The following SLC2A13 variants were observed in gnomAD, a reference collection of about 807,000 sequenced individuals.
The protein encoded by SLC2A13 is proton myo-inositol cotransporter.
In SLC2A13, 32 loss-of-function variants were observed where a neutral mutation model predicts 64.4. The ratio of observed to expected loss-of-function variants is 0.50; its 90% CI spans 0.37 to 0.67. The LOEUF is 0.67. Among genes scored for constraint, SLC2A13 ranks in the 30% least tolerant of loss-of-function variants. The pLI, the probability that SLC2A13 is intolerant of heterozygous loss-of-function variation, is 0.00. For missense variants in SLC2A13, 743 were observed against 829.2 expected (o/e 0.90, Z 1.28); for synonymous variants, 338 against 327.1 (o/e 1.03, Z -0.36).
Position 39,971,898 on chromosome 12 carries a change from C to T in SLC2A13, c.926-20533G>A, listed in dbSNP as rs552578304. Among the ~76,000 whole-genome samples, 750 of 148,868 alleles carry T rather than the reference C, an allele frequency of 5.0e-3. 3 individuals are homozygous for T. The highest frequency in any genetic ancestry group is 7.8e-3 in the Non-Finnish European group (524 of 67,346). On this transcript the variant is annotated intron_variant, in intron 3 of 9. Transcript: ENST00000280871. ...GCTGAGGCAAAAGAATCGCTTGAGC[C>T]CAGGAGGCGGAGGTTGCAGTGAGCT...
chr12:39,835,990 T>C (rs1463787231), intron 6 of SLC2A13, among the ~76,000 whole-genome samples: 1 of 152,118 alleles, frequency 6.6e-6, no homozygotes, highest in Non-Finnish European at 1.5e-5. Context: ...CAAAATGGAA[T>C]TGGTTAGTAA....
chr12:39,990,148 C>T (rs181503742), intron 3 of SLC2A13, among the ~76,000 whole-genome samples: 24 of 152,220 alleles, frequency 1.6e-4, no homozygotes, highest in South Asian at 1.0e-3. Context: ...GGAGTCATAA[C>T]GATCAAATAT....
chr12:39,796,856 C>A (rs796145041), intron 7 of SLC2A13, among the ~76,000 whole-genome samples: 1 of 152,098 alleles, frequency 6.6e-6, no homozygotes, highest in South Asian at 2.1e-4. Flanking sequence ...GACATTTATG[C>A]ACCTTTGACT....
intron 3 of SLC2A13, among the ~76,000 whole-genome samples, chr12:39,957,916 C>T (rs561044264): frequency 3.0e-4 from 45 of 152,038 alleles, no homozygotes; most frequent in Non-Finnish European, 7.4e-5. Context: ...GGTCATCCAC[C>T]AAAACAAAAC....
intron 4 of SLC2A13, among the ~76,000 whole-genome samples, chr12:39,942,700 A>G (rs530440913): frequency 3.3e-5 from 5 of 152,322 alleles, no homozygotes; most frequent in Admixed American, 3.3e-4. Context: ...TCGGGTGAGA[A>G]CATGCTCCTT....
chr12:39,983,863 T>C (rs1946969569), intron 3 of SLC2A13, among the ~76,000 whole-genome samples: 1 of 142,688 alleles, frequency 7.0e-6, no homozygotes. Context: ...CATGCTGCTA[T>C]AAAGACACAT....
In SLC2A13 at chr12:39,812,517, G is replaced by A. The variant is rs1488044113; in HGVS notation, c.1445+17586C>T. Among the ~76,000 whole-genome samples, 4 of 150,982 alleles carry A rather than the reference G, an allele frequency of 2.6e-5. No homozygotes were observed. The East Asian group carries it at 7.8e-4, about 29-fold the overall frequency. On this transcript the variant is annotated intron_variant, in intron 7 of 9. Transcript: ENST00000280871. ...AGATAGATGCTTGCTCTGTTGCTCA[G>A]GCTGGAGTGCAGTGGTGCAATCTCA... is the stretch of plus-strand genomic sequence containing the variant.
At chr12:39,807,649 G>A (rs190314213) in intron 7 of SLC2A13, among the ~76,000 whole-genome samples, 38 of 152,230 alleles carry the variant, frequency 2.5e-4, no homozygotes, top group Admixed American at 2.4e-3. Flanking sequence ...GATTAAAATG[G>A]ATACATGATT....
intron 7 of SLC2A13, among the ~76,000 whole-genome samples, chr12:39,824,136 G>A (rs1310276446): frequency 6.6e-6 from 1 of 152,100 alleles, no homozygotes; most frequent in Non-Finnish European, 1.5e-5. Flanking sequence ...TAATCTAGAA[G>A]CAAATATACA....
chr12:39,785,126 C>T (rs1941139662), intron 7 of SLC2A13, among the ~76,000 whole-genome samples: 1 of 152,156 alleles, frequency 6.6e-6, no homozygotes, highest in South Asian at 2.1e-4. Context: ...ATCCCCAAGA[C>T]CATGGGGAAA....
At chr12:39,846,391 T>C (rs1566858342) in intron 6 of SLC2A13, among the ~76,000 whole-genome samples, 1 of 152,156 alleles carries the variant, frequency 6.6e-6, no homozygotes, top group Non-Finnish European at 1.5e-5. Flanking sequence ...AGAAAGATCT[T>C]TCTCAGTTAA....
intron 3 of SLC2A13, among the ~76,000 whole-genome samples, chr12:39,972,021 T>A (rs1946663446): frequency 2.4e-5 from 2 of 82,068 alleles, no homozygotes; most frequent in African/African-American, 4.4e-5. Flanking sequence ...TATATTTTTT[T>A]TTATATAAAT....
intron 3 of SLC2A13, among the ~76,000 whole-genome samples, chr12:40,024,757 T>C (rs1181843859): frequency 1.3e-5 from 2 of 152,212 alleles, no homozygotes; most frequent in Non-Finnish European, 2.9e-5. Flanking sequence ...AATACTGCTG[T>C]ACAGCATTTA....
intron 7 of SLC2A13, among the ~76,000 whole-genome samples, chr12:39,767,207 G>A (rs762006902): frequency 1.3e-5 from 2 of 151,984 alleles, no homozygotes; most frequent in Non-Finnish European, 2.9e-5. Flanking sequence ...TGCTGTGTTA[G>A]CAGGTATGAA....
At chr12:40,007,742 A>G (rs1329596894) in intron 3 of SLC2A13, among the ~76,000 whole-genome samples, 1 of 152,176 alleles carries the variant, frequency 6.6e-6, no homozygotes, top group African/African-American at 2.4e-5. Flanking sequence ...AATAGTTCAC[A>G]TTTTAGTTAT....
At chr12:40,044,985 A>G (rs2136234032) in intron 2 of SLC2A13, among the ~76,000 whole-genome samples, 1 of 152,274 alleles carries the variant, frequency 6.6e-6, no homozygotes, top group East Asian at 1.9e-4. Context: ...TCTCAGGCAA[A>G]TATTTAACTT....
At chr12:39,989,329 C>T (rs562783701) in intron 3 of SLC2A13, among the ~76,000 whole-genome samples, 1 of 152,300 alleles carries the variant, frequency 6.6e-6, no homozygotes, top group South Asian at 2.1e-4. Flanking sequence ...GCCTCAATAT[C>T]CTCAACCATC....
chr12:39,851,347 A>T (rs1199596893), intron 6 of SLC2A13, among the ~76,000 whole-genome samples: 1 of 152,220 alleles, frequency 6.6e-6, no homozygotes, highest in African/African-American at 2.4e-5. Context: ...TTTATGACAT[A>T]AAAATCATAT....
At chr12:39,762,770 G>C (rs1592111595) in intron 9 of SLC2A13, among the ~76,000 whole-genome samples, 2 of 152,008 alleles carry the variant, frequency 1.3e-5, no homozygotes, top group Non-Finnish European at 2.9e-5. Flanking sequence ...TAGCCTGAAT[G>C]AACTATTTTT....
Sources: gnomAD v4.1 joint callset for allele counts (sites outside exome capture counted in the v4.1 genomes callset) on GRCh38, gnomAD v4.1.1 for gene constraint, MANE v1.5 for transcripts, NCBI Gene and HGNC (gene_info 2026-07-23, HGNC 2026-07-21) for gene names.